MED12: variants seen among roughly 807,000 people sequenced by gnomAD.
The protein encoded by MED12 is mediator complex subunit 12.
Under a neutral mutation model 177.7 loss-of-function variants are expected in MED12, and 10 were observed. The observed-to-expected ratio is 0.06, with a 90% CI of 0.03 to 0.10. The LOEUF (loss-of-function observed/expected upper bound fraction) is 0.10. Ranked by LOEUF, MED12 falls within the 10% of genes least tolerant of loss-of-function variation. The pLI is 1.00. For synonymous variants in MED12, 641 were observed against 678.4 expected, an observed-to-expected ratio of 0.94 and a Z score of 0.86; for missense variants, 867 against 1,780.8, an observed-to-expected ratio of 0.49 and a Z score of 9.23.
Position 71,118,612 on chromosome X carries a change from C to T in MED12, c.-143C>T, listed in dbSNP as rs931532616. On this transcript the variant is annotated 5_prime_UTR_variant, in exon 1 of 45. Coordinates refer to ENST00000374080, the MANE Select transcript of MED12 (RefSeq NM_005120.3). ...TCCCTCGGTAGTTTCCGGCAATGGT[C>T]GAGAGTTTCTAACGTGCCCCCTTGT... The T allele has an allele frequency of 2.6e-5, 14 of 531,652 alleles. No individual in the cohort carries two copies. The highest frequency in any genetic ancestry group is 1.0e-3 in the Middle Eastern group (2 of 1,959). The allele number at this position is 531,652 out of a possible 1,213,427, so 43.8% of individuals were successfully genotyped here. A position where few individuals can be genotyped will look rare whatever the true frequency, so the allele number is the denominator to read the frequency against.
At chrX:71,125,589 A>G (rs943360877) in intron 16 of MED12, 74 bp from the exon 17 acceptor site, 113 of 1,179,382 alleles carry the variant, frequency 9.6e-5, no homozygotes, top group East Asian at 1.5e-4. Flanking sequence ...TCATGTCCCA[A>G]TGTCCTGTCT....
intron 34 of MED12, 123 bp downstream of exon 34, chrX:71,134,589 C>A: frequency 9.7e-7 from 1 of 1,027,680 alleles, no homozygotes; most frequent in Non-Finnish European, 1.4e-6. Flanking sequence ...CTGGGCTCCC[C>A]ATACAGTTTT....
intron 28 of MED12, among the ~76,000 whole-genome samples, chrX:71,130,866 G>A (rs901709121): frequency 2.0e-4 from 23 of 112,513 alleles, no homozygotes; most frequent in African/African-American, 7.1e-4. Flanking sequence ...AAGAGATAGT[G>A]TTGAAGAGAG....
chrX:71,126,619 G>C (rs2092304058), intron 19 of MED12, 135 bp downstream of exon 19: 1 of 819,306 alleles, frequency 1.2e-6, no homozygotes, highest in African/African-American at 2.0e-5. Context: ...CTAGCATGGG[G>C]GGAGTGGAAC....
chrX:71,122,614 G>T lies in MED12; in HGVS notation c.1348+7G>T. 2.5e-6 allele frequency: 3 copies of T among 1,204,612 alleles called. No homozygotes were observed. The highest frequency in any genetic ancestry group is 3.4e-6 in the Non-Finnish European group (3 of 888,897). On this transcript the variant is annotated splice_region_variant and intron_variant, in intron 9 of 44. Coordinates refer to ENST00000374080, the MANE Select transcript of MED12 (RefSeq NM_005120.3). ...TGCCAGGAAGCTACTGCAGGTATGTGTCAGAGAACAGATAATAGGAAATAT... is the reference window on the plus strand; with the variant it reads ...TGCCAGGAAGCTACTGCAGGTATGTTTCAGAGAACAGATAATAGGAAATAT...
Position 71,120,829 on chromosome X carries a change from C to T in MED12, c.554-142C>T, listed in dbSNP as rs1602294478. On this transcript the variant is annotated intron_variant, in intron 4 of 44. Coordinates refer to ENST00000374080, the MANE Select transcript of MED12 (RefSeq NM_005120.3). ...TTCACCATCTTGGCCAGGCTGGTCT[C>T]GAACTCCTGACCTCGTGATCCACCT... 18 of 692,222 alleles carry T rather than the reference C, an allele frequency of 2.6e-5. No homozygotes were observed. The South Asian group carries it at 2.8e-4, about 11-fold the overall frequency. The allele number at this position is 692,222 out of a possible 1,213,427, so 57.0% of individuals were successfully genotyped here.
At position 71,136,445 on chromosome X, in the gene MED12, G is replaced by C. The variant is rs753355369; in HGVS notation, c.5190G>C (p.Leu1730=). 47 of 1,207,936 alleles carry C rather than the reference G, an allele frequency of 3.9e-5. No homozygotes were observed. The highest frequency in any genetic ancestry group is 4.9e-5 in the Non-Finnish European group (44 of 894,672). Reference sequence around the variant, plus strand: ...GGTTGCTGCTCTACCACACACACCTGAGGCCCCGGCCCCGCGCCTATTACC... The same window carrying C: ...GGTTGCTGCTCTACCACACACACCTCAGGCCCCGGCCCCGCGCCTATTACC... ...QQRLLLYHTH[L]RPRPRAYYLE... Residue 1730 remains leucine (L), a synonymous_variant, in exon 37 of 45, where the codon CTG becomes CTC. Transcript: ENST00000374080.
At position 71,118,662 on chromosome X, in the gene MED12, A is replaced by T. The variant is rs1240243960; in HGVS notation, c.-93A>T. 1.2e-6 allele frequency: 1 copy of T among 847,578 alleles called. No individual in the cohort carries two copies. 69.8% of individuals were successfully genotyped at this position (847,578 alleles called of 1,213,427 possible). On this transcript the variant is annotated 5_prime_UTR_variant, in exon 1 of 45. Transcript: ENST00000374080. ...TTGTCTCTCGGCCGCCGTCCTCTCA[A>T]CCACCGCCCCCCTTTTCGGCTCCCT...
At chrX:71,127,257 T>A in intron 20 of MED12, 79 bp from the exon 21 acceptor site, 1 of 1,171,280 alleles carries the variant, frequency 8.5e-7, no homozygotes, top group Non-Finnish European at 1.2e-6. Context: ...AAAAGAATGG[T>A]ATTTCCCAGA....
chrX:71,141,105 A>G, intron 42 of MED12, 125 bp from the exon 43 acceptor site: 2 of 1,124,662 alleles, frequency 1.8e-6, no homozygotes, highest in Non-Finnish European at 2.4e-6. Context: ...GCAGCTGTCT[A>G]AAAAGGGAAG....
chrX:71,125,270 G>A, intron 15 of MED12, 81 bp from the exon 16 acceptor site: 1 of 1,196,728 alleles, frequency 8.4e-7, no homozygotes, highest in South Asian at 1.8e-5. Flanking sequence ...TTAGCATGTG[G>A]ATGCTGAGGG....
At position 71,125,123 on chromosome X, in the gene MED12, G is replaced by A. The variant is rs756039521; in HGVS notation, c.2203G>A (p.Ala735Thr). 31 of 1,208,652 alleles carry A rather than the reference G, an allele frequency of 2.6e-5. No homozygotes were observed. The highest frequency in any genetic ancestry group is 3.1e-5 in the Non-Finnish European group (28 of 894,886). The change falls in exon 15 of 45, where the codon GCC becomes ACC. Residue 735 changes from alanine (A) to threonine (T), a missense_variant. Ala to Thr is a moderately conservative substitution (Grantham distance 58, BLOSUM62 0). Coordinates refer to ENST00000374080, the MANE Select transcript of MED12 (RefSeq NM_005120.3). ...CGACCAGCCACGACACGTGCAGTAC[G>A]CCACCCATTTTCCCATCCCCCAGGT... ...LYDQPRHVQY[A>T]THFPIPQEES...
At position 71,122,879 on chromosome X, in the gene MED12, G is replaced by A. The variant is rs1006276729; in HGVS notation, c.1485+5G>A. On this transcript the variant is annotated splice_donor_5th_base_variant and intron_variant, in intron 10 of 44. Coordinates refer to ENST00000374080, the MANE Select transcript of MED12 (RefSeq NM_005120.3). ...CCTAGCAAGGATGGGCATGAGGTAA[G>A]CGAAAAGGGGAATAGAAGGAGCAAA... 5.0e-6 allele frequency: 6 copies of A among 1,208,910 alleles called. No individual in the cohort carries two copies. Among genetic ancestry groups the A allele is most frequent in the Admixed American group, 2.2e-5 (1 of 45,747 alleles).
intron 13 of MED12, 56 bp downstream of exon 13, chrX:71,124,444 G>T: frequency 2.1e-6 from 2 of 967,200 alleles, no homozygotes; most frequent in South Asian, 4.1e-5. Context: ...CATCTTCATG[G>T]CTCCCAGGGG....
chrX:71,131,998 G>A (rs1005712448), intron 29 of MED12, 75 bp from the exon 30 acceptor site: 10 of 976,358 alleles, frequency 1.0e-5, no homozygotes, highest in Admixed American at 4.4e-5. Context: ...CGTCATCTCC[G>A]ATCTCTCCTA....
intron 42 of MED12, 54 bp from the exon 43 acceptor site, chrX:71,141,176 G>T: frequency 1.7e-6 from 2 of 1,163,741 alleles, no homozygotes; most frequent in South Asian, 3.8e-5. Flanking sequence ...CTTTAGTTCT[G>T]AGGCTTAGCT....
intron 1 of MED12, 51 bp from the exon 2 acceptor site, chrX:71,119,322 T>C (rs2092283322): frequency 1.1e-6 from 1 of 926,031 alleles, no homozygotes; most frequent in Admixed American, 2.6e-5. Context: ...CTCCCACCCC[T>C]TCCCCCTTCC....
chrX:71,131,113 T>C (rs1396226453), intron 28 of MED12, among the ~76,000 whole-genome samples: 1 of 106,815 alleles, frequency 9.4e-6, no homozygotes, highest in Non-Finnish European at 1.9e-5. Flanking sequence ...GTTTGGACTA[T>C]TTAAATGTAG....
Position 71,127,141 on chromosome X carries a change from A to G in MED12, c.2849+9A>G. ...GCACAGGTCTTTGAGGGGTAAGCAGAGCTTCGGAATAACTGAAACAAAGCT... is the reference window on the plus strand; with the variant it reads ...GCACAGGTCTTTGAGGGGTAAGCAGGGCTTCGGAATAACTGAAACAAAGCT... On this transcript the variant is annotated intron_variant, in intron 20 of 44. Transcript: ENST00000374080. The G allele has an allele frequency of 8.3e-7, 1 of 1,205,755 alleles. No individual in the cohort carries two copies. The highest frequency in any genetic ancestry group is 1.1e-6 in the Non-Finnish European group (1 of 892,716).
Sources: allele counts gnomAD v4.1 joint callset (sites outside exome capture counted in the v4.1 genomes callset), GRCh38; gene constraint gnomAD v4.1.1; transcripts MANE v1.5; gene names NCBI Gene and HGNC (gene_info 2026-07-23, HGNC 2026-07-21).